The following ZNF302 variants were observed in gnomAD, a reference collection of about 807,000 sequenced individuals.
ZNF302 encodes the protein zinc finger protein 327.
Under a neutral mutation model 10.8 loss-of-function variants are expected in ZNF302, and 12 were observed. The observed-to-expected ratio is 1.11, with a 90% CI of 0.71 to 1.79. The LOEUF is 1.79. Among genes scored for constraint, ZNF302 ranks in the 40% most tolerant of loss-of-function variants. ZNF302 has a pLI of 0.00. For missense variants in ZNF302, 461 were observed against 471.1 expected, an observed-to-expected ratio of 0.98 and a Z score of 0.20; for synonymous variants, 178 against 157.5, an observed-to-expected ratio of 1.13 and a Z score of -0.98.
At chr19:34,684,207 A>ATG in intron 4 of ZNF302, 45 bp from the exon 5 acceptor site, 2 of 469,916 alleles carry the variant, frequency 4.3e-6, no homozygotes, top group Non-Finnish European at 3.3e-6. Context: ...AAAAAAAAAA[A>ATG]AAAAAAAAAA....
intron 2 of ZNF302, 40 bp from the exon 3 acceptor site, chr19:34,682,737 C>G (rs1400957860): frequency 6.2e-7 from 1 of 1,611,334 alleles, no homozygotes; most frequent in East Asian, 2.2e-5. Context: ...ACAGAAGAGG[C>G]CTGGGCTATG....
Position 34,684,704 on chromosome 19 carries a change from C to G in ZNF302, c.667C>G (p.His223Asp), listed in dbSNP as rs764171233. Reference sequence around the variant, plus strand: ...AATCCTCAGTCGCCACTGGAGAATTCATACAGGAGAGAAGCCCTATGAATG... The same window carrying G: ...AATCCTCAGTCGCCACTGGAGAATTGATACAGGAGAGAAGCCCTATGAATG... Reference protein sequence around the residue: ...QSILSRHWRIHTGEKPYECRE... With the variant: ...QSILSRHWRIDTGEKPYECRE... The change falls in exon 5 of 5, where the codon CAT becomes GAT. Residue 223 changes from histidine (H) to aspartate (D), a missense_variant. By Grantham distance (81) the His-to-Asp change is moderately conservative. Transcript: ENST00000505242. The G allele has an allele frequency of 5.6e-6, 9 of 1,613,902 alleles. No homozygotes were observed. Among genetic ancestry groups the G allele is most frequent in the Admixed American group, 1.7e-5 (1 of 59,986 alleles).
At position 34,684,353 on chromosome 19, in the gene ZNF302, A is replaced by C; in HGVS notation, c.316A>C (p.Ser106Arg). Residue 106 changes from serine (S) to arginine (R), a missense_variant, in exon 5 of 5, where the codon AGT becomes CGT. By Grantham distance (110) the Ser-to-Arg change is moderately radical (BLOSUM62 -1). Coordinates refer to ENST00000505242, the MANE Select transcript of ZNF302 (RefSeq NM_001289187.2). ...AACAATGGAAAAAGTTGTAAAACAA[A>C]GTTATGAATTTTCAAATTCTAATAA... ...PVTMEKVVKQ[S>R]YEFSNSNKNL... 1 of 1,601,344 alleles carries C rather than the reference A, an allele frequency of 6.2e-7. No individual in the cohort carries two copies. The highest frequency in any genetic ancestry group is 1.3e-5 in the African/African-American group (1 of 74,330).
rs2068639360 is a variant in ZNF302 at position 34,686,014 on chromosome 19, G to C, written c.*777G>C. ...TTCCAAGTGCATCCCTTATTCTATA[G>C]GAAATAAACTGGAGACAAATCTCAT... On this transcript the variant is annotated 3_prime_UTR_variant, in exon 5 of 5. Coordinates refer to ENST00000505242, the MANE Select transcript of ZNF302 (RefSeq NM_001289187.2). 1 of 154,390 alleles carries C rather than the reference G, an allele frequency of 6.5e-6. No homozygotes were observed. The allele number at this position is 154,390 out of a possible 1,614,324, so 9.6% of individuals were successfully genotyped here. A position where few individuals can be genotyped will look rare whatever the true frequency, so the allele number is the denominator to read the frequency against.
intron 1 of ZNF302, among the ~76,000 whole-genome samples, 156 bp downstream of exon 1, chr19:34,678,259 T>A (rs2068090341): frequency 6.6e-6 from 1 of 151,310 alleles, no homozygotes; most frequent in Non-Finnish European, 1.5e-5. Context: ...CGAAACGCCG[T>A]CTCTACTAAA....
intron 2 of ZNF302, among the ~76,000 whole-genome samples, chr19:34,680,141 G>A (rs1346516948): frequency 6.6e-6 from 1 of 152,316 alleles, no homozygotes; most frequent in East Asian, 1.9e-4. Context: ...TTATGTCACT[G>A]CACTCCAGCT....
intron 2 of ZNF302, chr19:34,681,742 C>T (rs2068357966): frequency 6.6e-6 from 1 of 152,198 alleles, no homozygotes; most frequent in Non-Finnish European, 1.5e-5. Flanking sequence ...TTGCCCGGTT[C>T]CTAAAGGCCA....
In ZNF302 at chr19:34,682,624, C is replaced by T. The variant is rs545276533; in HGVS notation, c.10-153C>T. 3.9e-4 allele frequency: 427 copies of T among 1,099,792 alleles called. 1 individual carries two copies. The highest frequency in any genetic ancestry group is 5.4e-4 in the Middle Eastern group (2 of 3,670). The allele number at this position is 1,099,792 out of a possible 1,614,324, so 68.1% of individuals were successfully genotyped here. ...TGTATAATTCCAACTACATAACTGT[C>T]CTATTATTACTTACCTGACATCACA... On this transcript the variant is annotated intron_variant, in intron 2 of 4. Coordinates refer to ENST00000505242, the MANE Select transcript of ZNF302 (RefSeq NM_001289187.2).
At chr19:34,677,013 G>C (rs905739287), upstream of ZNF302, 5 of 152,088 alleles carry the variant, frequency 3.3e-5, no homozygotes, top group African/African-American at 1.2e-4. Flanking sequence ...AGTCCTTCCA[G>C]GGGCGTAACG....
At chr19:34,684,171 T>A (rs866747100) in intron 4 of ZNF302, 81 bp from the exon 5 acceptor site, 5 of 878,106 alleles carry the variant, frequency 5.7e-6, no homozygotes, top group African/African-American at 3.8e-5. Flanking sequence ...TTTCAAGAAG[T>A]AAAAAAAAAA....
upstream of ZNF302, chr19:34,677,140 C>G (rs1257196189): frequency 7.3e-6 from 1 of 137,836 alleles, no homozygotes; most frequent in Middle Eastern, 3.5e-3. Context: ...TGTGAGTTAT[C>G]GTCTTGGGCA....
In ZNF302 at chr19:34,684,703, T is replaced by C. The variant is rs1465669545; in HGVS notation, c.666T>C (p.Ile222=). The change falls in exon 5 of 5, where the codon ATT becomes ATC. Residue 222 remains isoleucine (I), a synonymous_variant. Coordinates refer to ENST00000505242, the MANE Select transcript of ZNF302 (RefSeq NM_001289187.2). ...CAATCCTCAGTCGCCACTGGAGAAT[T>C]CATACAGGAGAGAAGCCCTATGAAT... The part of the protein sequence containing the change: ...KQSILSRHWR[I]HTGEKPYECR... 4 of 1,613,862 alleles carry C rather than the reference T, an allele frequency of 2.5e-6. No individual in the cohort carries two copies. In the African/African-American group the frequency reaches 5.3e-5, roughly 22 times the overall value.
chr19:34,678,629 C>T, intron 1 of ZNF302, 108 bp from the exon 2 acceptor site: 1 of 621,176 alleles, frequency 1.6e-6, no homozygotes, highest in Admixed American at 2.8e-5. Context: ...GAGATTGACG[C>T]TCCGGCGAGT....
In ZNF302 at chr19:34,678,812, A is replaced by G. The variant is rs766138250; in HGVS notation, c.8A>G (p.Gln3Arg). ...ATTGGAAATTGCAGAATAATGTCTC[A>G]GGTAAGTCGGTGTGTCCCCAAATCT... MS[Q>R]VTFSDVAIDF... The change falls in exon 2 of 5, where the codon CAG becomes CGG. Residue 3 changes from glutamine (Q) to arginine (R), a missense_variant and splice_region_variant. By Grantham distance (43) the Gln-to-Arg change is conservative. Coordinates refer to ENST00000505242, the MANE Select transcript of ZNF302 (RefSeq NM_001289187.2). 2 of 1,613,822 alleles carry G rather than the reference A, an allele frequency of 1.2e-6. No individual in the cohort carries two copies. The highest frequency in any genetic ancestry group is 8.5e-7 in the Non-Finnish European group (1 of 1,179,746).
intron 4 of ZNF302, chr19:34,683,891 T>G: frequency 9.7e-7 from 1 of 1,033,790 alleles, no homozygotes; most frequent in Non-Finnish European, 1.3e-6. Flanking sequence ...CTTTCCCACA[T>G]GAATATAGGC....
chr19:34,678,737 G>A lies in ZNF302; in HGVS notation c.-68G>A, dbSNP rs2068152394. 1 of 1,596,672 alleles carries A rather than the reference G, an allele frequency of 6.3e-7. No homozygotes were observed. The highest frequency in any genetic ancestry group is 8.6e-7 in the Non-Finnish European group (1 of 1,164,612). On this transcript the variant is annotated splice_region_variant and 5_prime_UTR_variant, in exon 2 of 5. Transcript: ENST00000505242. ...TTTTCCTGCCTTTCTGTGCCCTCAG[G>A]ACACTGCCCATCTCTAAGATAAGAA...
chr19:34,685,490 G>C lies in ZNF302; in HGVS notation c.*253G>C, dbSNP rs2068613525. Reference sequence around the variant, plus strand: ...TGGAGAAAAGCCATATAAATGTAGTGAGTGTGGGAAAGCTTTTAGCAAAGG... The same window carrying C: ...TGGAGAAAAGCCATATAAATGTAGTCAGTGTGGGAAAGCTTTTAGCAAAGG... On this transcript the variant is annotated 3_prime_UTR_variant, in exon 5 of 5. Transcript: ENST00000505242. 1.3e-6 allele frequency: 2 copies of C among 1,586,208 alleles called. No individual in the cohort carries two copies. The highest frequency in any genetic ancestry group is 1.3e-5 in the African/African-American group (1 of 74,424).
intron 4 of ZNF302, 195 bp from the exon 5 acceptor site, chr19:34,684,057 G>A: frequency 2.6e-6 from 4 of 1,518,266 alleles, no homozygotes; most frequent in South Asian, 2.5e-5. Flanking sequence ...TGCTCTATTT[G>A]AGCATTGTTC....
In ZNF302 at chr19:34,685,652, G is replaced by T; in HGVS notation, c.*415G>T. The T allele has an allele frequency of 1.2e-6, 1 of 837,354 alleles. No individual in the cohort carries two copies. 51.9% of individuals were successfully genotyped at this position (837,354 alleles called of 1,614,324 possible). ...CAGAAGAGAAGCAGTGTTTATCACG[G>T]TAAACTTCATTCATAGATCCTCCCT... On this transcript the variant is annotated 3_prime_UTR_variant, in exon 5 of 5. Coordinates refer to ENST00000505242, the MANE Select transcript of ZNF302 (RefSeq NM_001289187.2).
Sources: allele counts gnomAD v4.1 joint callset (sites outside exome capture counted in the v4.1 genomes callset), GRCh38; gene constraint gnomAD v4.1.1; transcripts MANE v1.5; gene names NCBI Gene and HGNC (gene_info 2026-07-23, HGNC 2026-07-21).